The following DHCR24 variants were observed in gnomAD, a reference collection of about 807,000 sequenced individuals.
DHCR24 encodes 24-dehydrocholesterol reductase, also known as delta(24)-sterol reductase.
In DHCR24, 28 loss-of-function variants were observed where a neutral mutation model predicts 61.2. The ratio of observed to expected loss-of-function variants is 0.46; its 90% CI spans 0.34 to 0.63. DHCR24 has a LOEUF of 0.63. DHCR24 is among the 20% of genes least tolerant of loss of function. DHCR24 has a pLI of 0.01. For synonymous variants in DHCR24, 261 were observed against 275.9 expected (o/e 0.95, Z 0.54); for missense variants, 538 against 679.1 (o/e 0.79, Z 2.31).
chr1:54,875,246 A>T, intron 3 of DHCR24, 35 bp from the exon 4 acceptor site: 1 of 1,598,158 alleles, frequency 6.3e-7, no homozygotes, highest in African/African-American at 1.3e-5. Flanking sequence ...CAGCAGGGAG[A>T]GCTGTGGGTA....
chr1:54,852,001 G>C lies in DHCR24; in HGVS notation c.*232C>G, dbSNP rs1329056458. The C allele has an allele frequency of 8.6e-6, 5 of 580,040 alleles. No individual in the cohort carries two copies. Among genetic ancestry groups the C allele is most frequent in the Middle Eastern group, 9.4e-4 (2 of 2,138 alleles). The allele number at this position is 580,040 out of a possible 1,614,324, so 35.9% of individuals were successfully genotyped here. A position where few individuals can be genotyped will look rare whatever the true frequency, so the allele number is the denominator to read the frequency against. On this transcript the variant is annotated 3_prime_UTR_variant, in exon 9 of 9. Coordinates refer to ENST00000371269, the MANE Select transcript of DHCR24 (RefSeq NM_014762.4). Reference sequence around the variant, plus strand: ...ACTCACCCAGAGTCACACAGCTAATGAGTTCTAAACGGGGAACTGGACTCA... The same window carrying C: ...ACTCACCCAGAGTCACACAGCTAATCAGTTCTAAACGGGGAACTGGACTCA...
chr1:54,876,875 C>T (rs1342524227), intron 2 of DHCR24, among the ~76,000 whole-genome samples: 4 of 151,752 alleles, frequency 2.6e-5, no homozygotes, highest in African/African-American at 9.7e-5. Flanking sequence ...AACATGTGCC[C>T]AAGGAGGCTG....
At position 54,854,171 on chromosome 1, in the gene DHCR24, T is replaced by C. The variant is rs764155637; in HGVS notation, c.1084A>G (p.Lys362Glu). 3.7e-6 allele frequency: 6 copies of C among 1,613,988 alleles called. No individual in the cohort carries two copies. The Admixed American group carries it at 1.0e-4, about 27-fold the overall frequency. ...TGGGTCAGCTTCAGGAGGGAGATCT[T>C]GGGAGGCACCATCCAGCCAAAGAGG... Reference protein sequence around the residue: ...RYLFGWMVPPKISLLKLTQGE... With the variant: ...RYLFGWMVPPEISLLKLTQGE... Residue 362 changes from lysine (K) to glutamate (E), a missense_variant, in exon 7 of 9, where the codon AAG (lysine) becomes GAG (glutamate). Coordinates refer to ENST00000371269, the MANE Select transcript of DHCR24 (RefSeq NM_014762.4).
chr1:54,874,332 C>T (rs1194285042), intron 4 of DHCR24, among the ~76,000 whole-genome samples: 5 of 152,192 alleles, frequency 3.3e-5, no homozygotes, highest in African/African-American at 4.8e-5. Flanking sequence ...ATGGTAAGTA[C>T]GCTACATAGG....
chr1:54,879,268 G>A (rs567504195), intron 2 of DHCR24, among the ~76,000 whole-genome samples: 6 of 138,142 alleles, frequency 4.3e-5, no homozygotes, highest in South Asian at 2.4e-4. Flanking sequence ...GCAGTGAGCC[G>A]AAATCACGCC....
At chr1:54,860,674 G>A (rs1340015933) in intron 6 of DHCR24, among the ~76,000 whole-genome samples, 2 of 152,178 alleles carry the variant, frequency 1.3e-5, no homozygotes, top group Admixed American at 6.5e-5. Flanking sequence ...CTGGAAAAAC[G>A]TCACTTTCTT....
chr1:54,865,583 C>T, intron 5 of DHCR24, 137 bp from the exon 6 acceptor site: 1 of 1,178,774 alleles, frequency 8.5e-7, no homozygotes, highest in Non-Finnish European at 1.2e-6. Context: ...GCCTTTGAGA[C>T]TCTTGAAAGC....
chr1:54,886,859 T>C (rs1023401529), intron 1 of DHCR24, 30 bp downstream of exon 1: 2 of 1,592,656 alleles, frequency 1.3e-6, no homozygotes, highest in Non-Finnish European at 1.7e-6. Flanking sequence ...CCTCCGGCCC[T>C]GAGTCCCGGC....
chr1:54,872,258 C>G (rs1187874158), intron 4 of DHCR24, among the ~76,000 whole-genome samples: 1 of 152,214 alleles, frequency 6.6e-6, no homozygotes, highest in Admixed American at 6.5e-5. Flanking sequence ...GTTTTTCCTA[C>G]AACACCTCAT....
At chr1:54,871,754 G>A (rs1647001189) in intron 4 of DHCR24, 141 bp from the exon 5 acceptor site, 1 of 1,235,574 alleles carries the variant, frequency 8.1e-7, no homozygotes, top group African/African-American at 1.5e-5. Context: ...TTTACAAACT[G>A]TGCTTGCTGG....
At position 54,873,534 on chromosome 1, in the gene DHCR24, T is replaced by C. The variant is rs558979834; in HGVS notation, c.612+1559A>G. On this transcript the variant is annotated intron_variant, in intron 4 of 8. Coordinates refer to ENST00000371269, the MANE Select transcript of DHCR24 (RefSeq NM_014762.4). Reference sequence around the variant, plus strand: ...CAGAAGAAGGCATTGTTGTCAGAGATGACAGCTCCATGTGTGTTATTGCCC... The same window carrying C: ...CAGAAGAAGGCATTGTTGTCAGAGACGACAGCTCCATGTGTGTTATTGCCC... 9.8e-5 allele frequency among the ~76,000 whole-genome samples: 15 copies of C among 152,350 alleles called. No homozygotes were observed. The South Asian group carries it at 2.9e-3, about 29-fold the overall frequency.
chr1:54,853,308 G>A, intron 8 of DHCR24, 126 bp downstream of exon 8: 1 of 1,231,456 alleles, frequency 8.1e-7, no homozygotes, highest in Admixed American at 2.0e-5. Context: ...CACAGCTGCA[G>A]GGGCCCTAAG....
rs762149771 is a variant in DHCR24 at position 54,865,315 on chromosome 1, G to C, written c.1008C>G (p.Phe336Leu). 1.2e-6 allele frequency: 2 copies of C among 1,613,756 alleles called. No homozygotes were observed. The highest frequency in any genetic ancestry group is 3.3e-5 in the Admixed American group (2 of 59,952). Reference protein sequence around the residue: ...HYYHRHTRSIFWELQDIIPFG... With the variant: ...HYYHRHTRSILWELQDIIPFG... ...ACCTAAGCCTCACCTGGAGCTCCCA[G>C]AAGATGCTGCGCGTGTGGCGGTGGT... is the stretch of plus-strand genomic sequence containing the variant. Residue 336 changes from phenylalanine (F) to leucine (L), a missense_variant, in exon 6 of 9, where the codon TTC becomes TTG. Physicochemically the swap from Phe to Leu is conservative, Grantham distance 22. Coordinates refer to ENST00000371269, the MANE Select transcript of DHCR24 (RefSeq NM_014762.4).
intron 6 of DHCR24, among the ~76,000 whole-genome samples, chr1:54,862,015 C>T (rs918311329): frequency 2.0e-5 from 3 of 152,308 alleles, no homozygotes; most frequent in African/African-American, 7.2e-5. Flanking sequence ...CTGCTTCCCT[C>T]CTGACAACTG....
chr1:54,869,944 A>G (rs571062769), intron 5 of DHCR24, among the ~76,000 whole-genome samples: 2 of 151,868 alleles, frequency 1.3e-5, no homozygotes, highest in East Asian at 3.9e-4. Context: ...AATCCCAGCT[A>G]CTTACGAGGC....
chr1:54,863,096 AAAAAG>A (rs1646947984), intron 6 of DHCR24, among the ~76,000 whole-genome samples: 2 of 146,486 alleles, frequency 1.4e-5, no homozygotes, highest in East Asian at 2.1e-4. Flanking sequence ...AAAAAAAAAA[AAAAAG>A]GCAGTCAACC....
At chr1:54,853,684 A>G (rs1280880584) in intron 7 of DHCR24, 72 bp from the exon 8 acceptor site, 4 of 1,501,274 alleles carry the variant, frequency 2.7e-6, no homozygotes, top group Non-Finnish European at 3.6e-6. Context: ...TGGCCCGCTC[A>G]TACCCACCCA....
At chr1:54,880,055 A>AT (rs1240136436) in intron 2 of DHCR24, among the ~76,000 whole-genome samples, 2 of 152,202 alleles carry the variant, frequency 1.3e-5, no homozygotes, top group Non-Finnish European at 2.9e-5. Flanking sequence ...AAAATCAATG[A>AT]TATCAAAGCT....
At chr1:54,871,650 T>G in intron 4 of DHCR24, 37 bp from the exon 5 acceptor site, 1 of 1,613,972 alleles carries the variant, frequency 6.2e-7, no homozygotes, top group East Asian at 2.2e-5. Context: ...AGCTGAAACC[T>G]TGGGCCCCAC....
Sources: gnomAD v4.1 joint callset for allele counts (sites outside exome capture counted in the v4.1 genomes callset) on GRCh38, gnomAD v4.1.1 for gene constraint, MANE v1.5 for transcripts, NCBI Gene and HGNC (gene_info 2026-07-23, HGNC 2026-07-21) for gene names.